Variants in FBXW8 observed in about 807,000 individuals in gnomAD.
FBXW8 encodes the protein F-box/WD repeat-containing protein 8.
Under a neutral mutation model 65.3 loss-of-function variants are expected in FBXW8, and 57 were observed. The observed-to-expected ratio is 0.87, with a 90% CI of 0.71 to 1.09. The LOEUF (loss-of-function observed/expected upper bound fraction) is 1.09. FBXW8 is among the 50% of genes least tolerant of loss of function. The probability of loss-of-function intolerance (pLI) is 0.00; values close to 1 mark genes in which losing one functional copy is unlikely to be tolerated. For missense variants in FBXW8, 777 were observed against 814.8 expected (o/e 0.95, Z 0.57); for synonymous variants, 308 against 330.2 (o/e 0.93, Z 0.73).
At chr12:116,997,425 G>A (rs2135689609) in intron 7 of FBXW8, among the ~76,000 whole-genome samples, 1 of 152,342 alleles carries the variant, frequency 6.6e-6, no homozygotes, top group African/African-American at 2.4e-5. Flanking sequence ...TGGAGACTGA[G>A]CAAGGGTTCT....
chr12:116,913,868 C>G (rs896743691), intron 1 of FBXW8, among the ~76,000 whole-genome samples: 5 of 152,176 alleles, frequency 3.3e-5, no homozygotes, highest in Non-Finnish European at 5.9e-5. Flanking sequence ...TCCCTGTCTT[C>G]CTGGAATTCA....
At chr12:116,968,969 G>A (rs1468554364) in intron 5 of FBXW8, among the ~76,000 whole-genome samples, 3 of 151,836 alleles carry the variant, frequency 2.0e-5, no homozygotes, top group African/African-American at 4.8e-5. Flanking sequence ...ATCTCTTCTC[G>A]GAGAGCCCAT....
chr12:116,916,166 T>C (rs534633864), intron 1 of FBXW8, among the ~76,000 whole-genome samples: 2 of 152,304 alleles, frequency 1.3e-5, no homozygotes, highest in Admixed American at 1.3e-4. Flanking sequence ...AGTGCCACCA[T>C]AAATGTTTTG....
Position 117,027,995 on chromosome 12 carries a change from C to T in FBXW8, c.1653-33C>T. 3 of 1,613,076 alleles carry T rather than the reference C, an allele frequency of 1.9e-6. No homozygotes were observed. In the Middle Eastern group the frequency reaches 5.0e-4, roughly 268 times the overall value. On this transcript the variant is annotated intron_variant, in intron 10 of 10. Transcript: ENST00000652555. ...CTGGGGTGAGGGCCAGCGAGGCAGC[C>T]CTGACCTGTCACCATCTTTGTGCTC...
intron 3 of FBXW8, among the ~76,000 whole-genome samples, chr12:116,946,227 A>G (rs1232591208): frequency 6.6e-6 from 1 of 152,198 alleles, no homozygotes; most frequent in Non-Finnish European, 1.5e-5. Context: ...GGTCAATCCT[A>G]ATAGACTTTG....
rs1333745937 is a variant in FBXW8, at chr12:117,024,466, G to A, written c.1541+146G>A. ...CTTACTGTGACCCTAGGAGCCAGCT[G>A]CTGTCCCAGCACCGCTCTGCAGAGG... On this transcript the variant is annotated intron_variant, in intron 9 of 10. Coordinates refer to ENST00000652555, the MANE Select transcript of FBXW8 (RefSeq NM_153348.3). 14 of 883,098 alleles carry A rather than the reference G, an allele frequency of 1.6e-5. No homozygotes were observed. In the East Asian group the frequency reaches 3.5e-4, roughly 22 times the overall value. The allele number at this position is 883,098 out of a possible 1,614,324, so 54.7% of individuals were successfully genotyped here.
chr12:116,960,656 A>G (rs1295421086), intron 4 of FBXW8, among the ~76,000 whole-genome samples: 1 of 152,168 alleles, frequency 6.6e-6, no homozygotes. Context: ...GAAAGTGGGC[A>G]GTGGAAATAA....
intron 5 of FBXW8, among the ~76,000 whole-genome samples, chr12:116,974,495 A>C (rs1884807706): frequency 6.6e-6 from 1 of 152,236 alleles, no homozygotes; most frequent in African/African-American, 2.4e-5. Flanking sequence ...AAAAGTTGGA[A>C]AGCAAGCCAC....
At position 116,910,959 on chromosome 12, in the gene FBXW8, G is replaced by A. The variant is rs1879863788; in HGVS notation, c.-79G>A. ...GCGGCGGCAGCGGCTTCCGGCCGCG[G>A]CGGACACTTCCCTGGGCGGGACTGT... On this transcript the variant is annotated 5_prime_UTR_variant, in exon 1 of 11. Coordinates refer to ENST00000652555, the MANE Select transcript of FBXW8 (RefSeq NM_153348.3). 2.4e-6 allele frequency: 3 copies of A among 1,267,012 alleles called. No homozygotes were observed. The highest frequency in any genetic ancestry group is 3.1e-5 in the African/African-American group (2 of 63,904). The allele number at this position is 1,267,012 out of a possible 1,614,324, so 78.5% of individuals were successfully genotyped here. A position where few individuals can be genotyped will look rare whatever the true frequency, so the allele number is the denominator to read the frequency against.
chr12:117,015,067 C>T (rs1225876393), intron 8 of FBXW8, among the ~76,000 whole-genome samples: 2 of 152,210 alleles, frequency 1.3e-5, no homozygotes, highest in African/African-American at 4.8e-5. Context: ...ACCCTCACCC[C>T]TATTCTTTGA....
At chr12:116,918,713 T>C (rs893053482) in intron 1 of FBXW8, among the ~76,000 whole-genome samples, 1 of 152,184 alleles carries the variant, frequency 6.6e-6, no homozygotes, top group African/African-American at 2.4e-5. Context: ...CATTGCCCAT[T>C]CCTGAAGATG....
intron 7 of FBXW8, among the ~76,000 whole-genome samples, chr12:117,007,660 G>A (rs545277591): frequency 2.3e-4 from 35 of 152,268 alleles, no homozygotes; most frequent in African/African-American, 8.4e-4. Flanking sequence ...TGAGTCAAGT[G>A]GTCATGGGTT....
In FBXW8 at chr12:116,945,375, G is replaced by C. The variant is rs376401839; in HGVS notation, c.435G>C (p.Thr145=). The change falls in exon 3 of 11, where the codon ACG becomes ACC. Residue 145 remains threonine, a synonymous_variant. Transcript: ENST00000652555. ...TTCTGCTGTTTTAGGTGAGCAAGAC[G>C]TGGAAGGTGATTGCAGAGGATGAGG... ...ELGRCAQVSK[T]WKVIAEDEVL... 1 of 1,612,550 alleles carries C rather than the reference G, an allele frequency of 6.2e-7. No individual in the cohort carries two copies. Among genetic ancestry groups the C allele is most frequent in the South Asian group, 1.1e-5 (1 of 90,926 alleles).
intron 1 of FBXW8, among the ~76,000 whole-genome samples, chr12:116,912,948 A>C (rs1222149911): frequency 6.6e-6 from 1 of 152,192 alleles, no homozygotes; most frequent in Non-Finnish European, 1.5e-5. Flanking sequence ...TCCTTTTACA[A>C]ATGAAGAAAC....
intron 2 of FBXW8, among the ~76,000 whole-genome samples, chr12:116,934,478 C>T (rs1033833927): frequency 7.2e-5 from 11 of 152,070 alleles, no homozygotes; most frequent in Non-Finnish European, 1.5e-4. Flanking sequence ...TTAAAGGAGA[C>T]AATTTTTTAG....
chr12:116,938,769 A>G (rs1882345507), intron 2 of FBXW8, among the ~76,000 whole-genome samples: 1 of 152,244 alleles, frequency 6.6e-6, no homozygotes, highest in South Asian at 2.1e-4. Flanking sequence ...TCCATCCAAC[A>G]AAACGAAGCT....
chr12:116,934,240 T>G (rs1210481706), intron 2 of FBXW8, among the ~76,000 whole-genome samples: 1 of 152,194 alleles, frequency 6.6e-6, no homozygotes, highest in African/African-American at 2.4e-5. Flanking sequence ...CATTAGTTTG[T>G]GATCTGTGTG....
intron 9 of FBXW8, among the ~76,000 whole-genome samples, chr12:117,025,393 A>T (rs78248103): frequency 0.013 from 1,996 of 152,374 alleles, 44 homozygotes; most frequent in East Asian, 0.089. Context: ...AGAAGAGCAG[A>T]AACAGGGCAA....
intron 10 of FBXW8, among the ~76,000 whole-genome samples, chr12:117,027,730 G>A (rs1469947592): frequency 1.3e-5 from 2 of 152,364 alleles, no homozygotes; most frequent in Admixed American, 6.5e-5. Context: ...GCTGTACAGA[G>A]AGGGAGGGCA....
Sources: allele counts gnomAD v4.1 joint callset (sites outside exome capture counted in the v4.1 genomes callset), GRCh38; gene constraint gnomAD v4.1.1; transcripts MANE v1.5; gene names NCBI Gene and HGNC (gene_info 2026-07-23, HGNC 2026-07-21).